Variants in POLR3A observed in about 807,000 individuals in gnomAD.
POLR3A encodes the protein DNA-directed RNA polymerase III subunit RPC1.
A neutral mutation model predicts 152.8 loss-of-function variants in POLR3A; 112 were observed. The ratio of observed to expected loss-of-function variants is 0.73; its 90% CI spans 0.63 to 0.86. The LOEUF (loss-of-function observed/expected upper bound fraction) is 0.86, where lower values mean the gene tolerates loss of function less well. Ranked by LOEUF, POLR3A falls within the 40% of genes least tolerant of loss-of-function variation. The pLI, the probability that POLR3A is intolerant of heterozygous loss-of-function variation, is 0.00. For synonymous variants in POLR3A, 615 were observed against 652.1 expected (o/e 0.94, Z 0.87); for missense variants, 1,385 against 1,743.1 (o/e 0.79, Z 3.66).
chr10:78,012,980 C>A, intron 11 of POLR3A: 1 of 154,188 alleles, frequency 6.5e-6, no homozygotes, highest in Non-Finnish European at 1.4e-5. Flanking sequence ...CCTAGGCTTC[C>A]CATAGTGCTG....
rs1425952669 is a variant in POLR3A at position 78,008,848 on chromosome 10, T to TG, written c.1909+688dup. Among the ~76,000 whole-genome samples, 267 of 143,398 alleles carry TG rather than the reference T, an allele frequency of 1.9e-3. 1 individual carries two copies. The highest frequency in any genetic ancestry group is 6.1e-3 in the African/African-American group (230 of 37,706). 94.1% of individuals were successfully genotyped at this position (143,398 alleles called of 152,430 possible). A position where few individuals can be genotyped will look rare whatever the true frequency, so the allele number is the denominator to read the frequency against. On this transcript the variant is annotated intron_variant, in intron 14 of 30. Transcript: ENST00000372371. ...AACGTAGGGAGAACCTGTTTGTCTT[T>TG]GAAAAAAAAAAAAAAAAATCAATCC...
chr10:78,021,906 G>A lies in POLR3A; in HGVS notation c.1002C>T (p.Pro334=), dbSNP rs2131958351. The A allele has an allele frequency of 6.2e-7, 1 of 1,614,102 alleles. No homozygotes were observed. Among genetic ancestry groups the A allele is most frequent in the East Asian group, 2.2e-5 (1 of 44,860 alleles). The change falls in exon 7 of 31, where the codon CCC becomes CCT. Residue 334 remains proline (P), a synonymous_variant. Coordinates refer to ENST00000372371, the MANE Select transcript of POLR3A (RefSeq NM_007055.4). ...GGACGAAGCCTCTGGTCCACTTCTT[G>A]GGTGCCATGTTGAGGGGAATGCCCG... The part of the protein sequence containing the change: ...ELSGIPLNMA[P]KKWTRGFVQR...
Position 78,021,925 on chromosome 10 carries a change from A to T in POLR3A, c.983T>A (p.Ile328Asn). The stretch of plus-strand genomic sequence containing the variant: ...CTTCTTGGGTGCCATGTTGAGGGGA[A>T]TGCCCGAGAGCTCACTGTTAATGTA... Reference protein sequence around the residue: ...ALYINSELSGIPLNMAPKKWT... With the variant: ...ALYINSELSGNPLNMAPKKWT... The change falls in exon 7 of 31, where the codon ATT becomes AAT. Residue 328 changes from isoleucine to asparagine, a missense_variant. This residue lies in a region of POLR3A where 493 missense variants were observed against 647.5 expected (regional missense o/e 0.76). Transcript: ENST00000372371. The T allele has an allele frequency of 6.2e-7, 1 of 1,614,160 alleles. No homozygotes were observed. The highest frequency in any genetic ancestry group is 1.1e-5 in the South Asian group (1 of 91,086).
Position 77,986,094 on chromosome 10 carries a change from G to T in POLR3A, c.2967C>A (p.Ile989=), listed in dbSNP as rs190329364. The change falls in exon 22 of 31, where the codon ATC becomes ATA. Residue 989 remains isoleucine, a synonymous_variant. Coordinates refer to ENST00000372371, the MANE Select transcript of POLR3A (RefSeq NM_007055.4). The part of the protein sequence containing the change: ...KIKKTRDKYG[I]NDNGTTEPRV... ...TTACCTCTGTTGTGCCGTTATCATT[G>T]ATGCCATATTTATCTCTGGTTTTCT... 12 of 1,600,882 alleles carry T rather than the reference G, an allele frequency of 7.5e-6. No individual in the cohort carries two copies. Among genetic ancestry groups the T allele is most frequent in the Middle Eastern group, 3.3e-4 (2 of 6,040 alleles).
rs1589300803 is a variant in POLR3A, at chr10:77,977,268, C to T, written c.*210G>A. The T allele has an allele frequency of 1.6e-6, 1 of 610,826 alleles. No homozygotes were observed. The highest frequency in any genetic ancestry group is 4.5e-4 in the Middle Eastern group (1 of 2,202). 37.8% of individuals were successfully genotyped at this position (610,826 alleles called of 1,614,324 possible). A position where few individuals can be genotyped will look rare whatever the true frequency, so the allele number is the denominator to read the frequency against. On this transcript the variant is annotated 3_prime_UTR_variant, in exon 31 of 31. Transcript: ENST00000372371. ...AGCAAACAATAAAACCCTCAGCTCT[C>T]CCGAGCAGCGTGGCACAGTCAGGGT...
Position 77,984,299 on chromosome 10 carries a change from C to T in POLR3A, c.3243-1G>A, listed in dbSNP as rs1554837782. ...TAGCTGTGCTGTGATAATTGGAGTG[C>T]TGTTGAGAAGCAAAGGAAAAATGGC... On this transcript the variant is annotated splice_acceptor_variant, in intron 24 of 30. Coordinates refer to ENST00000372371, the MANE Select transcript of POLR3A (RefSeq NM_007055.4). LOFTEE classifies it high-confidence loss of function. The T allele has an allele frequency of 1.2e-5, 19 of 1,601,874 alleles. No homozygotes were observed. Among genetic ancestry groups the T allele is most frequent in the Non-Finnish European group, 1.5e-5 (18 of 1,169,154 alleles).
chr10:77,993,429 T>C (rs545234951), intron 19 of POLR3A, 62 bp from the exon 20 acceptor site: 1 of 1,277,082 alleles, frequency 7.8e-7, no homozygotes, highest in East Asian at 2.3e-5. Context: ...GGGGAGAGGA[T>C]AAGATTTGCA....
At chr10:78,027,090 G>C (rs1847642411) in intron 1 of POLR3A, among the ~76,000 whole-genome samples, 1 of 152,174 alleles carries the variant, frequency 6.6e-6, no homozygotes, top group African/African-American at 2.4e-5. Context: ...AACAGATGCA[G>C]AAGTGATGTA....
intron 29 of POLR3A, 33 bp from the exon 30 acceptor site, chr10:77,980,306 TCA>T: frequency 6.2e-7 from 1 of 1,611,570 alleles, no homozygotes; most frequent in Non-Finnish European, 8.5e-7. Flanking sequence ...ACGGTGGTAC[TCA>T]CACCAATGGC....
At chr10:77,997,922 A>G (rs1422427383) in intron 19 of POLR3A, among the ~76,000 whole-genome samples, 1 of 151,964 alleles carries the variant, frequency 6.6e-6, no homozygotes, top group African/African-American at 2.4e-5. Flanking sequence ...TACAGTAACC[A>G]AAACAGAGAT....
In POLR3A at chr10:78,024,542, G is replaced by C; in HGVS notation, c.645+7C>G. 6.2e-7 allele frequency: 1 copy of C among 1,612,834 alleles called. No homozygotes were observed. The highest frequency in any genetic ancestry group is 1.1e-5 in the South Asian group (1 of 91,014). ...GGCGGAAGGCAGGCGTGCATTCTCA[G>C]GCTCACCTGTGCCCTTCCCAGCAGA... On this transcript the variant is annotated splice_region_variant and intron_variant, in intron 5 of 30. Coordinates refer to ENST00000372371, the MANE Select transcript of POLR3A (RefSeq NM_007055.4).
rs1564623257 is a variant in POLR3A, at chr10:78,022,349, A to G, written c.681T>C (p.Phe227=). ...NLNPLVVLNL[F]KRIPAEDVPL... The stretch of plus-strand genomic sequence containing the variant: ...GAACATCTTCAGCTGGGATTCGTTT[A>G]AATAAATTCAGAACTACTAAGGGAT... Residue 227 remains phenylalanine, a synonymous_variant, in exon 6 of 31, where the codon TTT becomes TTC. Transcript: ENST00000372371. The G allele has an allele frequency of 1.2e-6, 2 of 1,614,054 alleles. No homozygotes were observed. Among genetic ancestry groups the G allele is most frequent in the Non-Finnish European group, 1.7e-6 (2 of 1,179,948 alleles).
chr10:78,011,636 G>A (rs944343829), intron 11 of POLR3A, among the ~76,000 whole-genome samples: 2 of 152,106 alleles, frequency 1.3e-5, no homozygotes, highest in Non-Finnish European at 2.9e-5. Context: ...TCTTACTCCT[G>A]GTTTAGAGAC....
rs1461240515 is a variant in POLR3A, at chr10:78,021,849, G to A, written c.1048+11C>T. ...GTGGGCTGGCTTCTGCACATCTTGT[G>A]GGAAACCTACCCTGTTTTCCCTTCA... On this transcript the variant is annotated intron_variant, in intron 7 of 30. Transcript: ENST00000372371. The A allele has an allele frequency of 1.9e-6, 3 of 1,613,146 alleles. No individual in the cohort carries two copies. The highest frequency in any genetic ancestry group is 2.7e-5 in the African/African-American group (2 of 74,874).
intron 21 of POLR3A, among the ~76,000 whole-genome samples, chr10:77,988,449 G>C (rs1177232676): frequency 6.6e-6 from 1 of 151,998 alleles, no homozygotes; most frequent in African/African-American, 2.4e-5. Flanking sequence ...TTGAACCCAG[G>C]AGGCAGAGGT....
At chr10:77,994,792 A>C (rs187126836) in intron 19 of POLR3A, among the ~76,000 whole-genome samples, 3 of 152,200 alleles carry the variant, frequency 2.0e-5, no homozygotes, top group Admixed American at 6.5e-5. Context: ...CAACATTCAA[A>C]TTCAGGAAAT....
At chr10:78,024,388 A>G (rs1001182643) in intron 5 of POLR3A, among the ~76,000 whole-genome samples, 161 bp downstream of exon 5, 43 of 148,894 alleles carry the variant, frequency 2.9e-4, no homozygotes, top group Non-Finnish European at 5.7e-4. Context: ...AAAAAAAAAA[A>G]AGGAATTATC....
chr10:78,020,912 T>C (rs540104197), intron 8 of POLR3A, among the ~76,000 whole-genome samples: 2 of 152,332 alleles, frequency 1.3e-5, no homozygotes, highest in African/African-American at 4.8e-5. Flanking sequence ...AAATTAACTA[T>C]GGATAATGTT....
At chr10:78,000,254 C>G (rs1847344081) in intron 18 of POLR3A, 136 bp from the exon 19 acceptor site, 1 of 772,302 alleles carries the variant, frequency 1.3e-6, no homozygotes, top group Middle Eastern at 3.4e-4. Flanking sequence ...AAATGGCAGG[C>G]TTTCTTTGCC....
Sources: gnomAD v4.1 joint callset for allele counts (sites outside exome capture counted in the v4.1 genomes callset) on GRCh38, gnomAD v4.1.1 for gene constraint, gnomAD v4.1.1 regional missense constraint, MANE v1.5 for transcripts, NCBI Gene and HGNC (gene_info 2026-07-23, HGNC 2026-07-21) for gene names.